C16orf74: variants seen among roughly 807,000 people sequenced by gnomAD.
C16orf74 encodes the protein uncharacterized protein C16orf74.
Under a neutral mutation model 6.5 loss-of-function variants are expected in C16orf74, and 10 were observed. The observed-to-expected ratio is 1.54, with a 90% confidence interval of 0.95 to 2.61. The LOEUF (loss-of-function observed/expected upper bound fraction) is 2.61. Among genes scored for constraint, C16orf74 ranks in the 30% most tolerant of loss-of-function variants. C16orf74 has a pLI of 0.00. For missense variants in C16orf74, 141 were observed against 105.9 expected, an observed-to-expected ratio of 1.33 and a Z score of -1.45; for synonymous variants, 60 against 42.5, an observed-to-expected ratio of 1.41 and a Z score of -1.60.
Position 85,708,018 on chromosome 16 carries a change from G to A in C16orf74, c.221C>T (p.Pro74Leu), listed in dbSNP as rs1345230615. The A allele has an allele frequency of 1.9e-6, 3 of 1,552,916 alleles. No homozygotes were observed. Among genetic ancestry groups the A allele is most frequent in the Admixed American group, 2.0e-5 (1 of 51,168 alleles). ...GSCPDDGEIDPEA is the reference protein window; with the variant it reads ...GSCPDDGEIDLEA The stretch of plus-strand genomic sequence containing the variant: ...ACCCAGGACACCTCCTCAGGCTTCT[G>A]GGTCGATTTCTCCATCATCTGGGCA... The change falls in exon 4 of 4, where the codon CCA becomes CTA. Residue 74 changes from proline to leucine, a missense_variant. Pro to Leu is a moderately conservative substitution (Grantham distance 98). Transcript: ENST00000284245.
intron 1 of C16orf74, among the ~76,000 whole-genome samples, chr16:85,748,407 G>C (rs1334609182): frequency 1.3e-5 from 2 of 151,992 alleles, no homozygotes; most frequent in Non-Finnish European, 2.9e-5. Context: ...AGGCCAGCCT[G>C]ACCAACAGGG....
intron 2 of C16orf74, among the ~76,000 whole-genome samples, chr16:85,724,739 C>T (rs2054116495): frequency 6.6e-6 from 1 of 152,164 alleles, no homozygotes; most frequent in South Asian, 2.1e-4. Context: ...CGAGGAGGGT[C>T]TCCATATGGT....
chr16:85,742,829 C>T (rs955433982), intron 1 of C16orf74, among the ~76,000 whole-genome samples: 11 of 152,330 alleles, frequency 7.2e-5, no homozygotes, highest in South Asian at 2.1e-4. Flanking sequence ...GCGTGAGCCA[C>T]GGTGCCCAGC....
chr16:85,710,446 TCCCCG>T, intron 2 of C16orf74, 139 bp from the exon 3 acceptor site: 1 of 701,354 alleles, frequency 1.4e-6, no homozygotes, highest in Non-Finnish European at 2.2e-6. Flanking sequence ...AGCGCAGCTG[TCCCCG>T]CATCACAGAT....
chr16:85,714,562 G>T (rs2054003109), intron 2 of C16orf74, among the ~76,000 whole-genome samples: 1 of 151,858 alleles, frequency 6.6e-6, no homozygotes, highest in South Asian at 2.1e-4. Flanking sequence ...TGGGATTACA[G>T]GCGCCTGCCA....
At chr16:85,727,862 G>C (rs899172421) in intron 2 of C16orf74, among the ~76,000 whole-genome samples, 2 of 151,710 alleles carry the variant, frequency 1.3e-5, no homozygotes, top group Non-Finnish European at 2.9e-5. Context: ...GATCTGGCCG[G>C]GTGCGGTGGC....
At chr16:85,742,581 G>A (rs748533254) in intron 1 of C16orf74, among the ~76,000 whole-genome samples, 40 of 151,652 alleles carry the variant, frequency 2.6e-4, no homozygotes, top group Admixed American at 2.6e-4. Flanking sequence ...CACTCTTTTT[G>A]CCCAGGCTAG....
intron 1 of C16orf74, among the ~76,000 whole-genome samples, chr16:85,746,884 C>T (rs2054379773): frequency 6.6e-6 from 1 of 152,214 alleles, no homozygotes. Flanking sequence ...CCTACAACTC[C>T]AGCCAAAGGA....
chr16:85,710,294 AC>A lies in C16orf74; in HGVS notation c.41del (p.Cys14LeufsTer15), dbSNP rs2053956734. On this transcript the variant is annotated frameshift_variant, in exon 3 of 4. Transcript: ENST00000284245. LOFTEE classifies it high-confidence loss of function. ...CGTGGCTGCTGCTGCTGCTGCTGAC[AC>A]ACATTTGAAAGCCTGAGAAGCCAGG... ...KMSCLKGFQMCVSSSSSSHDE... is the reference protein window; with the variant it reads ...KMSCLKGFQMXVSSSSSSHDE... The A allele has an allele frequency of 2.0e-6, 3 of 1,511,318 alleles. No homozygotes were observed. The highest frequency in any genetic ancestry group is 2.6e-6 in the Non-Finnish European group (3 of 1,140,528). The allele number at this position is 1,511,318 out of a possible 1,614,324, so 93.6% of individuals were successfully genotyped here.
chr16:85,732,620 T>G (rs1316135999), intron 2 of C16orf74, among the ~76,000 whole-genome samples: 6 of 125,630 alleles, frequency 4.8e-5, no homozygotes, highest in African/African-American at 1.7e-4. Flanking sequence ...GAGTCGAGAT[T>G]GCACCACTGC....
At chr16:85,721,040 AAG>A (rs2054077804) in intron 2 of C16orf74, among the ~76,000 whole-genome samples, 1 of 152,096 alleles carries the variant, frequency 6.6e-6, no homozygotes, top group Non-Finnish European at 1.5e-5. Context: ...GCAGTGAACC[AAG>A]ATCGCGCCAC....
At chr16:85,735,317 G>A in intron 1 of C16orf74, 82 bp from the exon 2 acceptor site, 1 of 965,322 alleles carries the variant, frequency 1.0e-6, no homozygotes, top group East Asian at 2.9e-5. Flanking sequence ...CCCACCCTTG[G>A]CCCTGATGAG....
rs750401569 is a variant in C16orf74 at position 85,708,048 on chromosome 16, C to A, written c.191G>T (p.Gly64Val). Residue 64 changes from glycine to valine, a missense_variant, in exon 4 of 4, where the codon GGG (glycine) becomes GTG (valine). Transcript: ENST00000284245. ...LGSTVWLDET[G>V]SCPDDGEIDP... The stretch of plus-strand genomic sequence containing the variant: ...GATTTCTCCATCATCTGGGCACGAC[C>A]CTGTCTCATCCAGCCAGACTAGGAG... 40 of 1,553,344 alleles carry A rather than the reference C, an allele frequency of 2.6e-5. No individual in the cohort carries two copies. Among genetic ancestry groups the A allele is most frequent in the Non-Finnish European group, 3.4e-5 (39 of 1,147,878 alleles).
chr16:85,741,675 C>A (rs2054309865), intron 1 of C16orf74: 1 of 170,426 alleles, frequency 5.9e-6, no homozygotes, highest in Admixed American at 6.5e-5. Flanking sequence ...ACAAAGGCGG[C>A]AGGCACAGGA....
intron 3 of C16orf74, among the ~76,000 whole-genome samples, chr16:85,709,830 G>C (rs996052396): frequency 1.3e-5 from 2 of 152,252 alleles, no homozygotes; most frequent in African/African-American, 4.8e-5. Context: ...ATGGAGCAGC[G>C]GTCCTCCCGC....
intron 2 of C16orf74, among the ~76,000 whole-genome samples, chr16:85,733,743 CCT>C (rs1190031892): frequency 6.6e-6 from 1 of 152,182 alleles, no homozygotes; most frequent in African/African-American, 2.4e-5. Context: ...TCTCCCCACT[CCT>C]CTGTGGGGTC....
At chr16:85,734,448 G>A (rs1200693882) in intron 2 of C16orf74, among the ~76,000 whole-genome samples, 5 of 152,176 alleles carry the variant, frequency 3.3e-5, no homozygotes, top group Non-Finnish European at 5.9e-5. Context: ...GGGGCTGCTG[G>A]GGTCAGGTAG....
In C16orf74 at chr16:85,746,786, G is replaced by T. The variant is rs1476482363; in HGVS notation, c.-19+4140C>A. 6.6e-5 allele frequency among the ~76,000 whole-genome samples: 10 copies of T among 152,352 alleles called. No homozygotes were observed. The East Asian group carries it at 1.7e-3, about 26-fold the overall frequency. On this transcript the variant is annotated intron_variant, in intron 1 of 3. Coordinates refer to ENST00000284245, the MANE Select transcript of C16orf74 (RefSeq NM_206967.3). The stretch of plus-strand genomic sequence containing the variant: ...CAAGCAGGGAAGAGAGTGCGGGCAA[G>T]CGGGGCTCCCAGCAGGCTCACGACA...
At chr16:85,737,819 G>A (rs1415867572) in intron 1 of C16orf74, among the ~76,000 whole-genome samples, 5 of 152,124 alleles carry the variant, frequency 3.3e-5, no homozygotes, top group Non-Finnish European at 5.9e-5. Context: ...CAATAAGAGC[G>A]AAACTCCATC....
Sources: allele counts gnomAD v4.1 joint callset (sites outside exome capture counted in the v4.1 genomes callset), GRCh38; gene constraint gnomAD v4.1.1; transcripts MANE v1.5; gene names NCBI Gene and HGNC (gene_info 2026-07-23, HGNC 2026-07-21).